The following ROBO3 variants were observed in gnomAD, a reference collection of about 807,000 sequenced individuals.
ROBO3 encodes roundabout homolog 3.
Under a neutral mutation model 160.5 loss-of-function variants are expected in ROBO3, and 97 were observed. The ratio of observed to expected loss-of-function variants is 0.60; its 90% CI spans 0.51 to 0.72. The LOEUF is 0.72. Among genes scored for constraint, ROBO3 ranks in the 30% least tolerant of loss-of-function variants. ROBO3 has a pLI of 0.00. For synonymous variants in ROBO3, 780 were observed against 746.2 expected, an observed-to-expected ratio of 1.05 and a Z score of -0.74; for missense variants, 1,858 against 1,846.5, an observed-to-expected ratio of 1.01 and a Z score of -0.11.
intron 7 of ROBO3, 23 bp downstream of exon 7, chr11:124,871,161 C>G (rs1591510607): frequency 6.2e-7 from 1 of 1,600,934 alleles, no homozygotes; most frequent in East Asian, 2.2e-5. Flanking sequence ...CTCCAAGGAG[C>G]TTCCCATCAG....
Position 124,873,116 on chromosome 11 carries a change from A to T in ROBO3, c.1536+27A>T. ...TGAGTGTCACCCCTGGGGCCCTAGT[A>T]GCTGAGAATGGCTATCTGCTCCACG... On this transcript the variant is annotated intron_variant, in intron 9 of 27. Transcript: ENST00000397801. This position sits in a 1 kb window ranked among gnomAD's most constrained non-coding sequence, Gnocchi z 4.5. 1 of 1,600,848 alleles carries T rather than the reference A, an allele frequency of 6.2e-7. No individual in the cohort carries two copies. Among genetic ancestry groups the T allele is most frequent in the Non-Finnish European group, 8.5e-7 (1 of 1,170,554 alleles).
chr11:124,871,594 A>C (rs1013586504), intron 7 of ROBO3, among the ~76,000 whole-genome samples: 3 of 152,238 alleles, frequency 2.0e-5, no homozygotes, highest in African/African-American at 7.2e-5. Context: ...GAGAGCTCAC[A>C]GTCATCCCTT....
At position 124,881,428 on chromosome 11, in the gene ROBO3, G is replaced by A; in HGVS notation, c.*178G>A. 1 of 626,960 alleles carries A rather than the reference G, an allele frequency of 1.6e-6. No individual in the cohort carries two copies. Among genetic ancestry groups the A allele is most frequent in the East Asian group, 2.8e-5 (1 of 36,136 alleles). The allele number at this position is 626,960 out of a possible 1,614,324, so 38.8% of individuals were successfully genotyped here. A position where few individuals can be genotyped will look rare whatever the true frequency, so the allele number is the denominator to read the frequency against. On this transcript the variant is annotated 3_prime_UTR_variant, in exon 28 of 28. Coordinates refer to ENST00000397801, the MANE Select transcript of ROBO3 (RefSeq NM_022370.4). ...TTCTTTCTTTTTCCACCTGAGACTT[G>A]TTTATAAAAAACAAAACAATAAAAA...
chr11:124,869,505 G>A lies in ROBO3; in HGVS notation c.543G>A (p.Glu181=), dbSNP rs1326386780. The A allele has an allele frequency of 3.2e-6, 5 of 1,561,064 alleles. No individual in the cohort carries two copies. Among genetic ancestry groups the A allele is most frequent in the African/African-American group, 1.4e-5 (1 of 73,380 alleles). ...SPGNVVVAVG[E]PAVLECVPPR... is the part of the protein sequence containing the mutation. ...GAAACGTGGTGGTGGCAGTGGGGGAGCCAGCAGTACTGGAATGCGTGCCCC... is the reference window on the plus strand; with the variant it reads ...GAAACGTGGTGGTGGCAGTGGGGGAACCAGCAGTACTGGAATGCGTGCCCC... The change falls in exon 3 of 28, where the codon GAG becomes GAA. Residue 181 remains glutamate, a synonymous_variant. Coordinates refer to ENST00000397801, the MANE Select transcript of ROBO3 (RefSeq NM_022370.4). This position sits in a 1 kb window ranked among gnomAD's most constrained non-coding sequence, Gnocchi z 4.2.
At position 124,872,440 on chromosome 11, in the gene ROBO3, A is replaced by T. The variant is rs1476748239; in HGVS notation, c.1218A>T (p.Arg406Ser). The change falls in exon 8 of 28, where the codon AGA becomes AGT. Residue 406 changes from arginine to serine, a missense_variant. Arg to Ser is a moderately radical substitution (Grantham distance 110). Coordinates refer to ENST00000397801, the MANE Select transcript of ROBO3 (RefSeq NM_022370.4). This position sits in a 1 kb window ranked among gnomAD's most constrained non-coding sequence, Gnocchi z 4.3. The stretch of plus-strand genomic sequence containing the variant: ...CGGGGCGCTTCTCAGTGTCTCCAAG[A>T]GGCCAACTTAACATCACCGCGGTGC... ...QPTGRFSVSPRGQLNITAVQR... is the reference protein window; with the variant it reads ...QPTGRFSVSPSGQLNITAVQR... 1.9e-6 allele frequency: 3 copies of T among 1,613,876 alleles called. No individual in the cohort carries two copies. The highest frequency in any genetic ancestry group is 2.5e-6 in the Non-Finnish European group (3 of 1,179,904).
At chr11:124,868,085 T>C (rs1053643696) in intron 1 of ROBO3, among the ~76,000 whole-genome samples, 1 of 152,208 alleles carries the variant, frequency 6.6e-6, no homozygotes, top group African/African-American at 2.4e-5. Flanking sequence ...TAGAATAATC[T>C]ATTGGAAACT....
At chr11:124,871,931 C>G (rs1946283917) in intron 7 of ROBO3, among the ~76,000 whole-genome samples, 3 of 152,138 alleles carry the variant, frequency 2.0e-5, no homozygotes, top group Non-Finnish European at 4.4e-5. Flanking sequence ...TGCCCTTTGT[C>G]CTGAGACCCA....
At position 124,872,340 on chromosome 11, in the gene ROBO3, G is replaced by T. The variant is rs777134942; in HGVS notation, c.1159-41G>T. On this transcript the variant is annotated intron_variant, in intron 7 of 27. Transcript: ENST00000397801. This position sits in a 1 kb window ranked among gnomAD's most constrained non-coding sequence, Gnocchi z 4.3. ...AATGGGGACCTCTCCCTGCCCAGCT[G>T]CCTGCTCATTCCCTACCCTGGTTCC... 6.3e-7 allele frequency: 1 copy of T among 1,594,428 alleles called. No homozygotes were observed. Among genetic ancestry groups the T allele is most frequent in the Non-Finnish European group, 8.6e-7 (1 of 1,162,388 alleles).
At position 124,876,365 on chromosome 11, in the gene ROBO3, C is replaced by T; in HGVS notation, c.2684C>T (p.Ala895Val). ...GTGCTGCGGGAGCCCGCCTTCCTCGCGGGCAGCGGCGCAGCCTGCGGGGCG... is the reference window on the plus strand; with the variant it reads ...GTGCTGCGGGAGCCCGCCTTCCTCGTGGGCAGCGGCGCAGCCTGCGGGGCG... ...ARVLREPAFLAGSGAACGALL... is the reference protein window; with the variant it reads ...ARVLREPAFLVGSGAACGALL... The change falls in exon 17 of 28, where the codon GCG becomes GTG. Residue 895 changes from alanine (A) to valine (V), a missense_variant. By Grantham distance (64) the Ala-to-Val change is moderately conservative. Coordinates refer to ENST00000397801, the MANE Select transcript of ROBO3 (RefSeq NM_022370.4). The surrounding 1 kb of genome is among the most constrained non-coding windows in gnomAD (Gnocchi z 5.3). 1 of 1,434,078 alleles carries T rather than the reference C, an allele frequency of 7.0e-7. No homozygotes were observed. Among genetic ancestry groups the T allele is most frequent in the Non-Finnish European group, 9.1e-7 (1 of 1,102,368 alleles). The allele number at this position is 1,434,078 out of a possible 1,614,324, so 88.8% of individuals were successfully genotyped here.
Position 124,873,250 on chromosome 11 carries a change from C to T in ROBO3, c.1537-60C>T. ...TTCCCATCCTTCTGCTACCCGCCTC[C>T]ACCCCCTCACTGGATCTTGCTCCAC... On this transcript the variant is annotated intron_variant, in intron 9 of 27. Transcript: ENST00000397801. This position sits in a 1 kb window ranked among gnomAD's most constrained non-coding sequence, Gnocchi z 4.5. 3 of 1,503,822 alleles carry T rather than the reference C, an allele frequency of 2.0e-6. No homozygotes were observed. The highest frequency in any genetic ancestry group is 2.7e-6 in the Non-Finnish European group (3 of 1,097,522). 93.2% of individuals were successfully genotyped at this position (1,503,822 alleles called of 1,614,324 possible). A position where few individuals can be genotyped will look rare whatever the true frequency, so the allele number is the denominator to read the frequency against.
Position 124,872,458 on chromosome 11 carries a change from C to T in ROBO3, c.1236C>T (p.Thr412=), listed in dbSNP as rs770153849. ...SVSPRGQLNI[T]AVQRGDAGYY... ...CTCCAAGAGGCCAACTTAACATCAC[C>T]GCGGTGCAGCGTGGGGATGCTGGGT... Residue 412 remains threonine (T), a synonymous_variant, in exon 8 of 28, where the codon ACC becomes ACT. Transcript: ENST00000397801. The surrounding 1 kb of genome is among the most constrained non-coding windows in gnomAD (Gnocchi z 4.3). The T allele has an allele frequency of 6.8e-6, 11 of 1,613,844 alleles. No individual in the cohort carries two copies. Among genetic ancestry groups the T allele is most frequent in the Admixed American group, 5.0e-5 (3 of 60,004 alleles).
chr11:124,878,376 C>A lies in ROBO3; in HGVS notation c.3260C>A (p.Pro1087Gln), dbSNP rs1373432424. The A allele has an allele frequency of 1.9e-6, 3 of 1,613,982 alleles. No individual in the cohort carries two copies. In the East Asian group the frequency reaches 6.7e-5, roughly 36 times the overall value. The change falls in exon 22 of 28, where the codon CCA (proline) becomes CAA (glutamine). Residue 1087 changes from proline to glutamine, a missense_variant. By Grantham distance (76) the Pro-to-Gln change is moderately conservative (BLOSUM62 -1). Transcript: ENST00000397801. This position sits in a 1 kb window ranked among gnomAD's most constrained non-coding sequence, Gnocchi z 4.3. ...PSLNWPEALP[P>Q]PPPSCELSCL... is the part of the protein sequence containing the mutation. ...CTGAACTGGCCAGAAGCCCTGCCCCCACCTCCTCCTTCTTGTGAACTGAGC... is the reference window on the plus strand; with the variant it reads ...CTGAACTGGCCAGAAGCCCTGCCCCAACCTCCTCCTTCTTGTGAACTGAGC...
At chr11:124,870,457 CA>C in intron 5 of ROBO3, 143 bp from the exon 6 acceptor site, 1 of 1,458,968 alleles carries the variant, frequency 6.9e-7, no homozygotes, top group South Asian at 1.3e-5. Flanking sequence ...TCCCCACCTC[CA>C]TTGATGGGTC....
At position 124,869,452 on chromosome 11, in the gene ROBO3, C is replaced by A; in HGVS notation, c.490C>A (p.Leu164Ile). The A allele has an allele frequency of 1.3e-6, 2 of 1,499,268 alleles. No homozygotes were observed. The highest frequency in any genetic ancestry group is 1.8e-6 in the Non-Finnish European group (2 of 1,100,802). The allele number at this position is 1,499,268 out of a possible 1,614,324, so 92.9% of individuals were successfully genotyped here. A position where few individuals can be genotyped will look rare whatever the true frequency, so the allele number is the denominator to read the frequency against. ...TCGCCCCCCACCGCCCCGCCCAGTC[C>A]TCCGTGATGATTTCCGGCAGTCTCC... ...SRNASLEVAVLRDDFRQSPGN... is the reference protein window; with the variant it reads ...SRNASLEVAVIRDDFRQSPGN... Residue 164 changes from leucine (L) to isoleucine (I), a missense_variant and splice_region_variant, in exon 3 of 28, where the codon CTC becomes ATC. Transcript: ENST00000397801. This position sits in a 1 kb window ranked among gnomAD's most constrained non-coding sequence, Gnocchi z 4.2.
chr11:124,869,731 A>AG lies in ROBO3; in HGVS notation c.645+127dup. 2 of 1,283,510 alleles carry AG rather than the reference A, an allele frequency of 1.6e-6. No homozygotes were observed. Among genetic ancestry groups the AG allele is most frequent in the Middle Eastern group, 2.0e-4 (1 of 5,076 alleles). 79.5% of individuals were successfully genotyped at this position (1,283,510 alleles called of 1,614,324 possible). On this transcript the variant is annotated intron_variant, in intron 3 of 27. Transcript: ENST00000397801. The surrounding 1 kb of genome is among the most constrained non-coding windows in gnomAD (Gnocchi z 4.2). ...GAGACTAAGAGTCAGCTATACAGTG[A>AG]GGGATAAGGAAGACGGAATTGGTAT... is the stretch of plus-strand genomic sequence containing the variant.
In ROBO3 at chr11:124,876,132, C is replaced by A; in HGVS notation, c.2593+7C>A. Reference sequence around the variant, plus strand: ...CCAGTGCTGGTGCAGCTGCGTGAGTCCACCCGAGGGCAGTGCTGAGGATCT... The same window carrying A: ...CCAGTGCTGGTGCAGCTGCGTGAGTACACCCGAGGGCAGTGCTGAGGATCT... On this transcript the variant is annotated splice_region_variant and intron_variant, in intron 16 of 27. Transcript: ENST00000397801. This position sits in a 1 kb window ranked among gnomAD's most constrained non-coding sequence, Gnocchi z 5.3. The A allele has an allele frequency of 1.3e-6, 2 of 1,595,962 alleles. No homozygotes were observed. Among genetic ancestry groups the A allele is most frequent in the Middle Eastern group, 2.1e-4 (1 of 4,710 alleles).
In ROBO3 at chr11:124,877,524, C is replaced by G. The variant is rs1946419197; in HGVS notation, c.2852C>G (p.Pro951Arg). 6.2e-7 allele frequency: 1 copy of G among 1,601,518 alleles called. No individual in the cohort carries two copies. The highest frequency in any genetic ancestry group is 8.5e-7 in the Non-Finnish European group (1 of 1,174,494). ...EGLSGASSRP[P>R]MGLGPAPYSW... ...GCTCACCTGCTCTCCCTCAGGCCAC[C>G]CATGGGCCTTGGCCCCGCCCCCTAC... The change falls in exon 20 of 28, where the codon CCC becomes CGC. Residue 951 changes from proline (P) to arginine (R), a missense_variant. Coordinates refer to ENST00000397801, the MANE Select transcript of ROBO3 (RefSeq NM_022370.4).
Position 124,878,977 on chromosome 11 carries a change from C to A in ROBO3, c.3533+181C>A, listed in dbSNP as rs1008197451. 10 of 746,872 alleles carry A rather than the reference C, an allele frequency of 1.3e-5. No individual in the cohort carries two copies. The Admixed American group carries it at 1.6e-4, about 12-fold the overall frequency. The allele number at this position is 746,872 out of a possible 1,614,324, so 46.3% of individuals were successfully genotyped here. On this transcript the variant is annotated intron_variant, in intron 23 of 27. Coordinates refer to ENST00000397801, the MANE Select transcript of ROBO3 (RefSeq NM_022370.4). The surrounding 1 kb of genome is among the most constrained non-coding windows in gnomAD (Gnocchi z 4.3). Reference sequence around the variant, plus strand: ...TGGAGGCTGACAAGATCTCTCATGCCCATTAGACTGGCTCTTGCTGGAGTG... The same window carrying A: ...TGGAGGCTGACAAGATCTCTCATGCACATTAGACTGGCTCTTGCTGGAGTG...
Position 124,876,108 on chromosome 11 carries a change from C to T in ROBO3, c.2576C>T (p.Pro859Leu). The change falls in exon 16 of 28, where the codon CCA becomes CTA. Residue 859 changes from proline (P) to leucine (L), a missense_variant. Physicochemically the swap from Pro to Leu is moderately conservative, Grantham distance 98. Transcript: ENST00000397801. The surrounding 1 kb of genome is among the most constrained non-coding windows in gnomAD (Gnocchi z 5.3). Reference protein sequence around the residue: ...TSAGVGVPSAPVLVQLPSPPD... With the variant: ...TSAGVGVPSALVLVQLPSPPD... ...GCAGGCGTGGGCGTGCCCAGTGCCC[C>T]AGTGCTGGTGCAGCTGCGTGAGTCC... The T allele has an allele frequency of 6.2e-7, 1 of 1,604,932 alleles. No homozygotes were observed. The highest frequency in any genetic ancestry group is 8.5e-7 in the Non-Finnish European group (1 of 1,178,594).
Sources: allele counts gnomAD v4.1 joint callset (sites outside exome capture counted in the v4.1 genomes callset), GRCh38; gene constraint gnomAD v4.1.1; non-coding constraint Gnocchi (gnomAD v3.1); transcripts MANE v1.5; gene names NCBI Gene and HGNC (gene_info 2026-07-23, HGNC 2026-07-21).